The following TBC1D23 variants were observed in gnomAD, a reference collection of about 807,000 sequenced individuals.
TBC1D23 encodes TBC1 domain family member 23, also known as HCV non-structural protein 4A-transactivated protein 1.
In TBC1D23, 55 loss-of-function variants were observed where a neutral mutation model predicts 91.4. That is an observed-to-expected ratio of 0.60 (90% confidence interval 0.48 to 0.75). The LOEUF (loss-of-function observed/expected upper bound fraction) is 0.75. Ranked by LOEUF, TBC1D23 falls within the 30% of genes least tolerant of loss-of-function variation. The pLI is 0.00. For missense variants in TBC1D23, 725 were observed against 836.1 expected (o/e 0.87, Z 1.64); for synonymous variants, 289 against 281.0 (o/e 1.03, Z -0.28).
intron 11 of TBC1D23, among the ~76,000 whole-genome samples, chr3:100,303,215 A>C (rs1315530150): frequency 6.6e-6 from 1 of 152,222 alleles, no homozygotes; most frequent in Non-Finnish European, 1.5e-5. Flanking sequence ...CTATGGAATC[A>C]GCAAGATGGT....
intron 7 of TBC1D23, among the ~76,000 whole-genome samples, chr3:100,295,719 A>G (rs756186813): frequency 6.6e-6 from 1 of 152,086 alleles, no homozygotes; most frequent in Non-Finnish European, 1.5e-5. Flanking sequence ...TCTCCCCACC[A>G]TATCCCCCAC....
chr3:100,292,415 G>A (rs573666405), intron 5 of TBC1D23, among the ~76,000 whole-genome samples: 1 of 152,272 alleles, frequency 6.6e-6, no homozygotes, highest in East Asian at 1.9e-4. Flanking sequence ...CAGCCTCTGA[G>A]CTTCAATTCC....
intron 1 of TBC1D23, 139 bp from the exon 2 acceptor site, chr3:100,279,510 A>G: frequency 5.3e-6 from 3 of 564,676 alleles, no homozygotes; most frequent in Non-Finnish European, 3.2e-6. Flanking sequence ...CATGCTGTGT[A>G]TACCTTGGCA....
At position 100,323,772 on chromosome 3, in the gene TBC1D23, G is replaced by A; in HGVS notation, c.*104G>A. ...TGGAGACCTTTCATTTGCTCATGGG[G>A]CTGCTTAAATAGCAGGTCTAAGAAA... On this transcript the variant is annotated 3_prime_UTR_variant, in exon 19 of 19. Transcript: ENST00000394144. 2.4e-6 allele frequency: 1 copy of A among 423,148 alleles called. No homozygotes were observed. Among genetic ancestry groups the A allele is most frequent in the Non-Finnish European group, 3.9e-6 (1 of 254,420 alleles). The allele number at this position is 423,148 out of a possible 1,614,324, so 26.2% of individuals were successfully genotyped here. A position where few individuals can be genotyped will look rare whatever the true frequency, so the allele number is the denominator to read the frequency against.
rs1220608674 is a variant in TBC1D23, at chr3:100,321,844, AT to A, written c.2018+874del. On this transcript the variant is annotated intron_variant, in intron 18 of 18. Transcript: ENST00000394144. ...TACCTGATTTGTAAAAAAAAAAAAA[AT>A]CACTTCATTGCTTTATGTAAGAATA... Among the ~76,000 whole-genome samples the A allele has an allele frequency of 9.5e-4, 143 of 149,984 alleles. 1 individual carries two copies. The highest frequency in any genetic ancestry group is 2.0e-3 in the African/African-American group (81 of 41,010).
At chr3:100,312,969 T>C (rs796474494) in intron 15 of TBC1D23, among the ~76,000 whole-genome samples, 5 of 151,922 alleles carry the variant, frequency 3.3e-5, no homozygotes, top group African/African-American at 1.2e-4. Flanking sequence ...CTGGCTAACA[T>C]AGTGAAACCC....
chr3:100,295,244 CTT>C (rs752858893), intron 6 of TBC1D23, 33 bp downstream of exon 6: 2 of 1,593,068 alleles, frequency 1.3e-6, no homozygotes. Context: ...TTTTTTTCCT[CTT>C]TTCTCAGGGT....
rs1287294458 is a variant in TBC1D23, at chr3:100,308,486, A to AG, written c.1414-1917_1414-1916insG. 6.6e-4 allele frequency among the ~76,000 whole-genome samples: 100 copies of AG among 152,326 alleles called. 1 individual carries two copies. Among genetic ancestry groups the AG allele is most frequent in the African/African-American group, 2.3e-3 (95 of 41,586 alleles). ...AACGAGACTCCGTCTCAAAAAAAAAAAAAAATTTGAAAGTAACAGATGTTC... is the reference window on the plus strand; with the variant it reads ...AACGAGACTCCGTCTCAAAAAAAAAAGAAAAATTTGAAAGTAACAGATGTTC... On this transcript the variant is annotated intron_variant, in intron 13 of 18. Transcript: ENST00000394144.
rs986327902 is a variant in TBC1D23, at chr3:100,276,312, A to G, written c.54-3337A>G. The stretch of plus-strand genomic sequence containing the variant: ...ATAATATATATTATAGGAATATAAT[A>G]TATAATTCCTATTTCCTATAATTTT... On this transcript the variant is annotated intron_variant, in intron 1 of 18. Transcript: ENST00000394144. Among the ~76,000 whole-genome samples, 6 of 151,948 alleles carry G rather than the reference A, an allele frequency of 3.9e-5. No homozygotes were observed. The Middle Eastern group carries it at 0.01, about 258-fold the overall frequency.
In TBC1D23 at chr3:100,310,496, G is replaced by A; in HGVS notation, c.1507G>A (p.Glu503Lys). Residue 503 changes from glutamate to lysine, a missense_variant, in exon 14 of 19, where the codon GAA (glutamate) becomes AAA (lysine). Physicochemically the swap from Glu to Lys is moderately conservative, Grantham distance 56. Coordinates refer to ENST00000394144, the MANE Select transcript of TBC1D23 (RefSeq NM_001199198.3). ...ALKTKSVNVR[E>K]KVISFIENTS... ...GAAGACAAAATCCGTTAATGTCAGG[G>A]AAAAAGTTATCAGTTTTATAGAGAA... 2 of 1,613,558 alleles carry A rather than the reference G, an allele frequency of 1.2e-6. No individual in the cohort carries two copies. The highest frequency in any genetic ancestry group is 1.7e-6 in the Non-Finnish European group (2 of 1,179,742).
In TBC1D23 at chr3:100,261,004, TG is replaced by T. The variant is rs774093163; in HGVS notation, c.-13del. ...GGATCCACTTTTCGGCAAAGTGACG[TG>T]GACGTCAACAGCAATGGCGGAAGGA... On this transcript the variant is annotated 5_prime_UTR_variant, in exon 1 of 19. Transcript: ENST00000394144. The T allele has an allele frequency of 3.7e-6, 6 of 1,613,422 alleles. No individual in the cohort carries two copies. The highest frequency in any genetic ancestry group is 2.2e-5 in the East Asian group (1 of 44,886).
Position 100,290,617 on chromosome 3 carries a change from G to T in TBC1D23, c.516G>T (p.Arg172Ser), listed in dbSNP as rs776000773. Reference protein sequence around the residue: ...SQKGRPFHLFRLLIQYHEPEL... With the variant: ...SQKGRPFHLFSLLIQYHEPEL... ...AAGGGAGACCATTTCATCTCTTCAG[G>T]TTGCTCATCCAATACCATGAGCCTG... The change falls in exon 5 of 19, where the codon AGG becomes AGT. Residue 172 changes from arginine (R) to serine (S), a missense_variant. By Grantham distance (110) the Arg-to-Ser change is moderately radical. Transcript: ENST00000394144. 2.5e-6 allele frequency: 4 copies of T among 1,613,550 alleles called. No homozygotes were observed. Among genetic ancestry groups the T allele is most frequent in the Non-Finnish European group, 3.4e-6 (4 of 1,179,672 alleles).
intron 1 of TBC1D23, among the ~76,000 whole-genome samples, chr3:100,278,432 C>A (rs1272954041): frequency 6.7e-6 from 1 of 150,296 alleles, no homozygotes; most frequent in East Asian, 1.9e-4. Context: ...GTCACCCAGG[C>A]TGGGGTGCAG....
chr3:100,270,351 T>C lies in TBC1D23; in HGVS notation c.53+9280T>C, dbSNP rs915326852. Among the ~76,000 whole-genome samples the C allele has an allele frequency of 3.3e-5, 5 of 152,294 alleles. No individual in the cohort carries two copies. The South Asian group carries it at 8.3e-4, about 25-fold the overall frequency. The stretch of plus-strand genomic sequence containing the variant: ...AAGAAGACAGTCAAACTTTGCAGTG[T>C]ATGTAAAGGGGACGAGAGCTGAGAA... On this transcript the variant is annotated intron_variant, in intron 1 of 18. Coordinates refer to ENST00000394144, the MANE Select transcript of TBC1D23 (RefSeq NM_001199198.3).
chr3:100,315,916 ATTTC>A (rs1421063253), intron 15 of TBC1D23, 179 bp from the exon 16 acceptor site: 8 of 574,338 alleles, frequency 1.4e-5, no homozygotes, highest in Non-Finnish European at 2.2e-5. Flanking sequence ...TGCTAACATA[ATTTC>A]TTTATCTTCT....
rs749410407 is a variant in TBC1D23, at chr3:100,281,731, C to T, written c.166-11C>T. On this transcript the variant is annotated splice_polypyrimidine_tract_variant and intron_variant, in intron 2 of 18. Coordinates refer to ENST00000394144, the MANE Select transcript of TBC1D23 (RefSeq NM_001199198.3). Reference sequence around the variant, plus strand: ...ATATGAAGCTAGTCACTTTTTAAATCTTTCTTCCAGATTGCTCTGAATGTT... The same window carrying T: ...ATATGAAGCTAGTCACTTTTTAAATTTTTCTTCCAGATTGCTCTGAATGTT... 1.9e-6 allele frequency: 3 copies of T among 1,582,294 alleles called. No homozygotes were observed. The highest frequency in any genetic ancestry group is 2.7e-5 in the African/African-American group (2 of 74,196).
intron 13 of TBC1D23, 146 bp from the exon 14 acceptor site, chr3:100,310,251 TACAGTC>T (rs1705602907): frequency 1.0e-5 from 7 of 692,042 alleles, no homozygotes; most frequent in Non-Finnish European, 1.7e-5. Flanking sequence ...TGTCTCCAAA[TACAGTC>T]ACATTCTGAG....
At chr3:100,281,707 T>C (rs1461982316) in intron 2 of TBC1D23, 35 bp from the exon 3 acceptor site, 1 of 1,335,620 alleles carries the variant, frequency 7.5e-7, no homozygotes, top group Admixed American at 1.7e-5. Context: ...AGGAATAACA[T>C]ATGAAGCTAG....
At chr3:100,299,147 T>C in intron 9 of TBC1D23, 92 bp from the exon 10 acceptor site, 1 of 768,726 alleles carries the variant, frequency 1.3e-6, no homozygotes, top group African/African-American at 1.8e-5. Flanking sequence ...TTAATGAACT[T>C]GTTCCCTTTA....
Sources: gnomAD v4.1 joint callset for allele counts (sites outside exome capture counted in the v4.1 genomes callset) on GRCh38, gnomAD v4.1.1 for gene constraint, MANE v1.5 for transcripts, NCBI Gene and HGNC (gene_info 2026-07-23, HGNC 2026-07-21) for gene names.